Variants in LYST observed in about 807,000 individuals in gnomAD.
LYST encodes the protein lysosomal trafficking regulator.
In LYST, 192 loss-of-function variants were observed where a neutral mutation model predicts 413.6. The observed-to-expected ratio is 0.46, with a 90% CI of 0.41 to 0.52. The LOEUF is 0.52. LYST is among the 20% of genes least tolerant of loss of function. LYST has a pLI of 0.00. For synonymous variants in LYST, 1,525 were observed against 1,567.3 expected (o/e 0.97, Z 0.64); for missense variants, 3,815 against 4,499.9 (o/e 0.85, Z 4.35).
chr1:235,806,147 T>C lies in LYST; in HGVS notation c.2989A>G (p.Ile997Val). Residue 997 changes from isoleucine (I) to valine (V), a missense_variant, in exon 6 of 53, where the codon ATA becomes GTA. Ile to Val is a conservative substitution (Grantham distance 29). Transcript: ENST00000389793. ...TGACTTCTGAACAGTTTCTGTATTATCATAAATATTAACTTATGGCATACT... is the reference window on the plus strand; with the variant it reads ...TGACTTCTGAACAGTTTCTGTATTACCATAAATATTAACTTATGGCATACT... ...FRVCHKLIFM[I>V]IQKLFRSHKE... The C allele has an allele frequency of 1.2e-6, 2 of 1,613,954 alleles. No homozygotes were observed. The highest frequency in any genetic ancestry group is 1.7e-6 in the Non-Finnish European group (2 of 1,179,984).
At chr1:235,853,365 G>A (rs1369369220) in intron 1 of LYST, among the ~76,000 whole-genome samples, 2 of 152,066 alleles carry the variant, frequency 1.3e-5, no homozygotes, top group Non-Finnish European at 2.9e-5. Context: ...TCCTTAACTA[G>A]TGAATATGGA....
In LYST at chr1:235,792,009, T is replaced by C; in HGVS notation, c.4233A>G (p.Ser1411=). ...TGTTTAAAATCCCAGGATACTTTTG[T>C]GATGAAACACCGTTGCTTAAATTTG... The part of the protein sequence containing the change: ...HAPNLSNGVS[S]QKYPGILNSK... Residue 1411 remains serine (S), a synonymous_variant, in exon 12 of 53, where the codon TCA becomes TCG. Transcript: ENST00000389793. The C allele has an allele frequency of 6.2e-7, 1 of 1,614,124 alleles. No homozygotes were observed. Among genetic ancestry groups the C allele is most frequent in the Non-Finnish European group, 8.5e-7 (1 of 1,180,000 alleles).
chr1:235,843,361 T>C (rs1036202898), intron 1 of LYST, among the ~76,000 whole-genome samples: 1 of 152,204 alleles, frequency 6.6e-6, no homozygotes, highest in African/African-American at 2.4e-5. Context: ...GTAGGCATCA[T>C]GACAGTAGTG....
chr1:235,762,880 A>C (rs1216106897), intron 21 of LYST, 29 bp from the exon 22 acceptor site: 1 of 1,591,788 alleles, frequency 6.3e-7, no homozygotes, highest in South Asian at 1.1e-5. Context: ...TTGAAACAGC[A>C]AAATTTTTAA....
chr1:235,690,163 A>G (rs1389550351), intron 47 of LYST, among the ~76,000 whole-genome samples: 1 of 152,242 alleles, frequency 6.6e-6, no homozygotes. Context: ...TTTTCATTGG[A>G]AAGTCAAGAT....
intron 50 of LYST, among the ~76,000 whole-genome samples, chr1:235,668,013 T>C (rs1658636735): frequency 6.6e-6 from 1 of 152,076 alleles, no homozygotes. Flanking sequence ...CCAAATACAA[T>C]ATAAGTGCTA....
At chr1:235,699,594 A>G (rs1032267096) in intron 45 of LYST, among the ~76,000 whole-genome samples, 14 of 152,210 alleles carry the variant, frequency 9.2e-5, no homozygotes, top group Non-Finnish European at 1.8e-4. Flanking sequence ...GTATATACCC[A>G]GTAATGGGAT....
chr1:235,753,571 A>G (rs1572152937), intron 25 of LYST, among the ~76,000 whole-genome samples: 1 of 152,166 alleles, frequency 6.6e-6, no homozygotes, highest in East Asian at 1.9e-4. Flanking sequence ...GTCCAAAGAA[A>G]CTATGTTTGG....
At chr1:235,798,756 A>G (rs939617197) in intron 10 of LYST, among the ~76,000 whole-genome samples, 26 of 152,184 alleles carry the variant, frequency 1.7e-4, no homozygotes, top group Non-Finnish European at 2.6e-4. Context: ...AAAAGACCAC[A>G]TATTCCATTT....
intron 3 of LYST, chr1:235,828,956 G>C (rs1312887128): frequency 1.7e-6 from 1 of 581,498 alleles, no homozygotes. Context: ...TGTAATCCCA[G>C]CACTTTGGGA....
At chr1:235,795,878 C>G (rs79208127) in intron 10 of LYST, among the ~76,000 whole-genome samples, 5,630 of 151,544 alleles carry the variant, frequency 0.037, 347 homozygotes, top group African/African-American at 0.13. Context: ...AATTTGGGGA[C>G]AGAAGAAACT....
Position 235,759,614 on chromosome 1 carries a change from T to A in LYST, c.6254-15A>T. 1.9e-6 allele frequency: 3 copies of A among 1,595,670 alleles called. No homozygotes were observed. The highest frequency in any genetic ancestry group is 2.6e-6 in the Non-Finnish European group (3 of 1,163,616). ...GGAATTCTCTCCTGGTAAGAGTAGA[T>A]ACAAAAATACTACTTAAAAATCTAT... On this transcript the variant is annotated splice_polypyrimidine_tract_variant and intron_variant, in intron 22 of 52. Transcript: ENST00000389793.
chr1:235,753,105 C>T lies in LYST; in HGVS notation c.7399G>A (p.Asp2467Asn). ...CATAACACATAGAGTAGACCATTAT[C>T]CAGCAACATATCTGCTACCTTAGAA... ...SCSKVADMLLDNGLLYVLCNT... is the reference protein window; with the variant it reads ...SCSKVADMLLNNGLLYVLCNT... The change falls in exon 26 of 53, where the codon GAT becomes AAT. Residue 2467 changes from aspartate (D) to asparagine (N), a missense_variant. Asp to Asn is a conservative substitution (Grantham distance 23). Coordinates refer to ENST00000389793, the MANE Select transcript of LYST (RefSeq NM_000081.4). 6.2e-7 allele frequency: 1 copy of T among 1,608,802 alleles called. No individual in the cohort carries two copies. Among genetic ancestry groups the T allele is most frequent in the Non-Finnish European group, 8.5e-7 (1 of 1,175,574 alleles).
chr1:235,667,574 G>A (rs895348359), intron 50 of LYST, among the ~76,000 whole-genome samples: 8 of 152,118 alleles, frequency 5.3e-5, no homozygotes, highest in African/African-American at 1.4e-4. Flanking sequence ...TTGGTTCCAG[G>A]ACCCCTGAGG....
intron 11 of LYST, 38 bp from the exon 12 acceptor site, chr1:235,792,163 C>A (rs570091171): frequency 7.6e-7 from 1 of 1,308,800 alleles, no homozygotes; most frequent in Admixed American, 1.7e-5. Flanking sequence ...TTTCTAATCA[C>A]GTAATAAAGT....
chr1:235,726,110 CTTTT>C (rs1558156135), intron 38 of LYST, among the ~76,000 whole-genome samples: 1 of 152,010 alleles, frequency 6.6e-6, no homozygotes, highest in African/African-American at 2.4e-5. Context: ...TCCTAGTTTT[CTTTT>C]TTAAATCAGT....
intron 20 of LYST, among the ~76,000 whole-genome samples, chr1:235,768,982 C>T (rs1189647477): frequency 6.6e-6 from 1 of 151,934 alleles, no homozygotes; most frequent in East Asian, 1.9e-4. Context: ...ATCAGATGCC[C>T]AGGTGTGTCA....
chr1:235,809,643 G>A lies in LYST; in HGVS notation c.1175C>T (p.Ser392Leu), dbSNP rs1177806395. The change falls in exon 5 of 53, where the codon TCA becomes TTA. Residue 392 changes from serine to leucine, a missense_variant. Transcript: ENST00000389793. The surrounding 1 kb of genome is among the most constrained non-coding windows in gnomAD (Gnocchi z 4.0). ...LQEVQEDFVFSKYRHRALLLP... is the reference protein window; with the variant it reads ...LQEVQEDFVFLKYRHRALLLP... The stretch of plus-strand genomic sequence containing the variant: ...AAGAAGGGCTCTATGACGATACTTT[G>A]AAAACACAAAATCTTCCTGAACCTC... The A allele has an allele frequency of 1.9e-6, 3 of 1,613,926 alleles. No homozygotes were observed. The highest frequency in any genetic ancestry group is 2.7e-5 in the African/African-American group (2 of 74,884).
In LYST at chr1:235,833,385, T is replaced by C. The variant is rs189245331; in HGVS notation, c.-8+193A>G. ...CTTTTGTAACTTTGCTTTTTCCTCT[T>C]AATGTTATGTTCATTCCATTAAACC... On this transcript the variant is annotated intron_variant, in intron 2 of 52. Transcript: ENST00000389793. 6.6e-5 allele frequency among the ~76,000 whole-genome samples: 10 copies of C among 152,290 alleles called. No individual in the cohort carries two copies. The East Asian group carries it at 1.9e-3, about 29-fold the overall frequency.
Sources: gnomAD v4.1 joint callset for allele counts (sites outside exome capture counted in the v4.1 genomes callset) on GRCh38, gnomAD v4.1.1 for gene constraint, Gnocchi (gnomAD v3.1) non-coding constraint, MANE v1.5 for transcripts, NCBI Gene and HGNC (gene_info 2026-07-23, HGNC 2026-07-21) for gene names.